UBR2: variants seen among roughly 807,000 people sequenced by gnomAD.
The protein encoded by UBR2 is ubiquitin protein ligase E3 component n-recognin 2.
UBR2 carries 92 observed loss-of-function variants against 247.9 expected under a neutral mutation model. The ratio of observed to expected loss-of-function variants is 0.37; its 90% confidence interval spans 0.31 to 0.44. The LOEUF (loss-of-function observed/expected upper bound fraction) is 0.44, where lower values mean the gene tolerates loss of function less well. UBR2 is among the 20% of genes least tolerant of loss of function. The probability of loss-of-function intolerance (pLI) is 1.00; values close to 1 mark genes in which losing one functional copy is unlikely to be tolerated. For synonymous variants in UBR2, 672 were observed against 693.5 expected, an observed-to-expected ratio of 0.97 and a Z score of 0.49; for missense variants, 1,613 against 2,112.6, an observed-to-expected ratio of 0.76 and a Z score of 4.64.
chr6:42,604,697 A>G (rs1217449163), intron 5 of UBR2, among the ~76,000 whole-genome samples: 1 of 152,100 alleles, frequency 6.6e-6, no homozygotes, highest in East Asian at 1.9e-4. Flanking sequence ...TATATCTCCT[A>G]TCAAATTTTT....
At chr6:42,633,840 C>G (rs945533424) in intron 13 of UBR2, among the ~76,000 whole-genome samples, 4 of 152,114 alleles carry the variant, frequency 2.6e-5, no homozygotes, top group Admixed American at 2.6e-4. Flanking sequence ...AAGTGATTCT[C>G]TGACCTCAGC....
intron 42 of UBR2, among the ~76,000 whole-genome samples, chr6:42,680,305 C>G (rs1798966100): frequency 1.3e-5 from 2 of 152,106 alleles, no homozygotes; most frequent in African/African-American, 4.8e-5. Context: ...GCCTTTTTAG[C>G]TAAGGATCTG....
At chr6:42,607,236 C>T (rs1219950075) in intron 7 of UBR2, among the ~76,000 whole-genome samples, 1 of 150,206 alleles carries the variant, frequency 6.7e-6, no homozygotes, top group Non-Finnish European at 1.5e-5. Flanking sequence ...GGTGCAATCT[C>T]GGCTCACTGC....
chr6:42,680,714 G>A (rs1048053789), intron 42 of UBR2, among the ~76,000 whole-genome samples: 2 of 152,110 alleles, frequency 1.3e-5, no homozygotes, highest in African/African-American at 2.4e-5. Context: ...TTAAATATAT[G>A]GCTGTTCTGT....
At chr6:42,592,637 C>G (rs1437000834) in intron 3 of UBR2, among the ~76,000 whole-genome samples, 1 of 152,156 alleles carries the variant, frequency 6.6e-6, no homozygotes, top group Non-Finnish European at 1.5e-5. Context: ...GCTTTTAAGT[C>G]AGGGACACAG....
rs62414610 is a variant in UBR2 at position 42,592,188 on chromosome 6, G to A, written c.376G>A (p.Glu126Lys). The A allele has an allele frequency of 0.031, 49,880 of 1,598,936 alleles. 928 individuals are homozygous for A. Among genetic ancestry groups the A allele is most frequent in the South Asian group, 0.036 (3,138 of 88,106 alleles). ...AVDPTCVLCM[E>K]CFLGSIHRDH... ...TGATCCAACTTGTGTTTTGTGCATG[G>A]AGTGCTTTTTGGGAAGTATTCACAG... Residue 126 changes from glutamate to lysine, a missense_variant, in exon 3 of 47, where the codon GAG (glutamate) becomes AAG (lysine). Physicochemically the swap from Glu to Lys is moderately conservative, Grantham distance 56. Transcript: ENST00000372901.
chr6:42,628,126 T>A (rs908054605), intron 11 of UBR2, among the ~76,000 whole-genome samples: 1 of 152,180 alleles, frequency 6.6e-6, no homozygotes, highest in African/African-American at 2.4e-5. Flanking sequence ...TCTCCCTGGT[T>A]TTATCTCCTG....
intron 20 of UBR2, among the ~76,000 whole-genome samples, chr6:42,644,785 G>A (rs553175776): frequency 6.6e-6 from 1 of 152,228 alleles, no homozygotes; most frequent in South Asian, 2.1e-4. Flanking sequence ...TGTATTTTGC[G>A]AGGTGGTGGT....
intron 1 of UBR2, among the ~76,000 whole-genome samples, chr6:42,570,559 C>T (rs539965297): frequency 2.6e-5 from 4 of 152,180 alleles, no homozygotes; most frequent in Middle Eastern, 3.4e-3. Flanking sequence ...AAATGGGGAG[C>T]ATATGCATGC....
In UBR2 at chr6:42,603,855, G is replaced by T. The variant is rs1020363077; in HGVS notation, c.662+137G>T. ...AACCTCAATTTTATAGTTTTAAAAC[G>T]TGATCCATTTAATTGGTGGAGATTT... is the stretch of plus-strand genomic sequence containing the variant. On this transcript the variant is annotated intron_variant, in intron 5 of 46. Coordinates refer to ENST00000372901, the MANE Select transcript of UBR2 (RefSeq NM_001363705.2). The T allele has an allele frequency of 3.3e-5, 31 of 928,026 alleles. No homozygotes were observed. The African/African-American group carries it at 5.5e-4, about 16-fold the overall frequency. The allele number at this position is 928,026 out of a possible 1,614,324, so 57.5% of individuals were successfully genotyped here.
chr6:42,642,570 C>T (rs1796511618), intron 18 of UBR2, 89 bp downstream of exon 18: 1 of 1,100,300 alleles, frequency 9.1e-7, no homozygotes, highest in Admixed American at 2.1e-5. Context: ...GTGATCACTC[C>T]CAAATCTACA....
chr6:42,639,577 C>G (rs1237588403), intron 15 of UBR2, among the ~76,000 whole-genome samples: 1 of 152,018 alleles, frequency 6.6e-6, no homozygotes, highest in African/African-American at 2.4e-5. Context: ...ACTAATGAGG[C>G]TTTGATCCTA....
chr6:42,612,890 C>A (rs997712800), intron 8 of UBR2, among the ~76,000 whole-genome samples: 1 of 152,160 alleles, frequency 6.6e-6, no homozygotes, highest in Non-Finnish European at 1.5e-5. Flanking sequence ...AACCTGAGGT[C>A]AGGAGTTCAA....
intron 44 of UBR2, among the ~76,000 whole-genome samples, chr6:42,687,737 C>A (rs896274440): frequency 1.3e-5 from 2 of 152,056 alleles, no homozygotes; most frequent in Non-Finnish European, 2.9e-5. Flanking sequence ...GACGGGGTTT[C>A]ACCATATTGG....
chr6:42,606,512 C>G (rs933522147), intron 6 of UBR2, 77 bp from the exon 7 acceptor site: 11 of 1,242,410 alleles, frequency 8.9e-6, no homozygotes, highest in Non-Finnish European at 1.3e-5. Flanking sequence ...TATGCTTAAA[C>G]ATGTTTGTTT....
intron 22 of UBR2, among the ~76,000 whole-genome samples, chr6:42,649,367 A>T (rs1423149706): frequency 6.6e-6 from 1 of 152,158 alleles, no homozygotes; most frequent in African/African-American, 2.4e-5. Flanking sequence ...CCTATAATAC[A>T]TAGCTTCCAG....
intron 11 of UBR2, among the ~76,000 whole-genome samples, chr6:42,629,052 T>C (rs1582584726): frequency 2.0e-5 from 3 of 152,220 alleles, no homozygotes; most frequent in South Asian, 4.1e-4. Context: ...GTTTCGCTCT[T>C]GTCATCCACG....
At chr6:42,621,710 C>T (rs1291582960) in intron 11 of UBR2, among the ~76,000 whole-genome samples, 2 of 151,744 alleles carry the variant, frequency 1.3e-5, no homozygotes, top group African/African-American at 4.8e-5. Context: ...GATCCATCCC[C>T]CTCAGCTCCC....
chr6:42,643,827 CT>C lies in UBR2; in HGVS notation c.2098-385del, dbSNP rs201989878. 4.1e-3 allele frequency among the ~76,000 whole-genome samples: 631 copies of C among 152,154 alleles called. 7 individuals carry two copies. The highest frequency in any genetic ancestry group is 0.014 in the African/African-American group (573 of 41,492). On this transcript the variant is annotated intron_variant, in intron 18 of 46. Transcript: ENST00000372901. ...GTATTTTTAAAATACTAGAAGGTTA[CT>C]TAATATACCACATTTCCAAGTCCAA...
Sources: gnomAD v4.1 joint callset for allele counts (sites outside exome capture counted in the v4.1 genomes callset) on GRCh38, gnomAD v4.1.1 for gene constraint, MANE v1.5 for transcripts, NCBI Gene and HGNC (gene_info 2026-07-23, HGNC 2026-07-21) for gene names.